DNAH9: variants seen among roughly 807,000 people sequenced by gnomAD.
The protein encoded by DNAH9 is DNAH9 variant protein.
DNAH9 carries 345 observed loss-of-function variants against 471.6 expected under a neutral mutation model. The observed-to-expected ratio is 0.73, with a 90% CI of 0.67 to 0.80. DNAH9 has a LOEUF of 0.80. Among genes scored for constraint, DNAH9 ranks in the 30% least tolerant of loss-of-function variants. The probability of loss-of-function intolerance (pLI) is 0.00; values close to 1 mark genes in which losing one functional copy is unlikely to be tolerated. For synonymous variants in DNAH9, 2,093 were observed against 2,123.6 expected, an observed-to-expected ratio of 0.99 and a Z score of 0.40; for missense variants, 5,407 against 5,609.2, an observed-to-expected ratio of 0.96 and a Z score of 1.15.
intron 60 of DNAH9, 76 bp downstream of exon 60, chr17:11,902,988 C>G (rs1973464597): frequency 1.3e-6 from 2 of 1,490,334 alleles, no homozygotes; most frequent in Non-Finnish European, 1.8e-6. Flanking sequence ...ACCAGCAGGG[C>G]TGAGCTCCAA....
chr17:11,965,615 C>T (rs1976637472), intron 68 of DNAH9, among the ~76,000 whole-genome samples: 1 of 152,138 alleles, frequency 6.6e-6, no homozygotes, highest in African/African-American at 2.4e-5. Context: ...TCAACGCAAA[C>T]TATTCCTGAG....
intron 26 of DNAH9, among the ~76,000 whole-genome samples, chr17:11,717,087 A>G (rs2074977452): frequency 6.6e-6 from 1 of 152,244 alleles, no homozygotes; most frequent in African/African-American, 2.4e-5. Context: ...CAAGAAGGAC[A>G]AGACGAGACC....
intron 4 of DNAH9, 88 bp downstream of exon 4, chr17:11,611,868 A>G: frequency 7.4e-7 from 1 of 1,345,242 alleles, no homozygotes; most frequent in Non-Finnish European, 1.1e-6. Flanking sequence ...GAATTCCGCA[A>G]CTTCAAGTCC....
chr17:11,610,169 A>G lies in DNAH9; in HGVS notation c.615-227A>G, dbSNP rs549862892. ...CCCTGAATCTGTATGAAAAATGTAC[A>G]TACACACACATAAGCATTTTTTTTT... On this transcript the variant is annotated intron_variant, in intron 2 of 68. Transcript: ENST00000262442. 7.9e-5 allele frequency among the ~76,000 whole-genome samples: 12 copies of G among 152,328 alleles called. No individual in the cohort carries two copies. The South Asian group carries it at 2.3e-3, about 29-fold the overall frequency.
Position 11,610,461 on chromosome 17 carries a change from A to T in DNAH9, c.680A>T (p.Gln227Leu), listed in dbSNP as rs779273973. The change falls in exon 3 of 69, where the codon CAA (glutamine) becomes CTA (leucine). Residue 227 changes from glutamine (Q) to leucine (L), a missense_variant. Gln to Leu is a moderately radical substitution (Grantham distance 113). Transcript: ENST00000262442. ...IESAVIKWSY[Q>L]VQVVLKRESS... Reference sequence around the variant, plus strand: ...TCTGCAGTGATCAAATGGAGCTACCAAGTCCAGGTGGTACTCAAGAGAGAG... The same window carrying T: ...TCTGCAGTGATCAAATGGAGCTACCTAGTCCAGGTGGTACTCAAGAGAGAG... 24 of 1,613,706 alleles carry T rather than the reference A, an allele frequency of 1.5e-5. No homozygotes were observed. Among genetic ancestry groups the T allele is most frequent in the Non-Finnish European group, 2.0e-5 (24 of 1,179,860 alleles).
At chr17:11,927,976 C>G (rs1233247265) in intron 62 of DNAH9, among the ~76,000 whole-genome samples, 1 of 152,098 alleles carries the variant, frequency 6.6e-6, no homozygotes, top group African/African-American at 2.4e-5. Flanking sequence ...CTCAAGTAGC[C>G]CACTAAACAC....
intron 12 of DNAH9, 23 bp downstream of exon 12, chr17:11,647,221 T>C (rs764973225): frequency 6.2e-7 from 1 of 1,609,306 alleles, no homozygotes; most frequent in East Asian, 2.2e-5. Flanking sequence ...ACAGTAGCTC[T>C]CTTTTGGGTT....
At chr17:11,836,351 T>C (rs1003107110) in intron 49 of DNAH9, among the ~76,000 whole-genome samples, 4 of 152,140 alleles carry the variant, frequency 2.6e-5, no homozygotes, top group Admixed American at 1.3e-4. Context: ...ATAATAAAAT[T>C]ATATTTAATG....
chr17:11,762,506 C>A (rs1487923829), intron 35 of DNAH9, among the ~76,000 whole-genome samples: 1 of 152,108 alleles, frequency 6.6e-6, no homozygotes. Flanking sequence ...CAATTAAGGC[C>A]TCTAAAGCCA....
intron 29 of DNAH9, among the ~76,000 whole-genome samples, chr17:11,740,914 G>A (rs1020592943): frequency 4.6e-5 from 7 of 152,116 alleles, no homozygotes; most frequent in East Asian, 3.9e-4. Flanking sequence ...CAACAGTAGC[G>A]CATTTCTTTT....
At chr17:11,950,608 A>T (rs2151440051) in intron 67 of DNAH9, among the ~76,000 whole-genome samples, 1 of 152,236 alleles carries the variant, frequency 6.6e-6, no homozygotes, top group East Asian at 1.9e-4. Context: ...GTGTGAAACG[A>T]TCCTCCCGCC....
chr17:11,934,229 A>G (rs1018727912), intron 65 of DNAH9, among the ~76,000 whole-genome samples, 158 bp downstream of exon 65: 3 of 152,094 alleles, frequency 2.0e-5, no homozygotes, highest in Non-Finnish European at 2.9e-5. Context: ...AGCTGAGCTC[A>G]TGTCAAATCT....
intron 44 of DNAH9, 54 bp downstream of exon 44, chr17:11,807,948 C>G: frequency 6.5e-7 from 1 of 1,542,152 alleles, no homozygotes; most frequent in Non-Finnish European, 8.8e-7. Context: ...CAACCAGCCA[C>G]AGTTCCATCA....
chr17:11,692,400 A>G (rs1321429698), intron 20 of DNAH9, among the ~76,000 whole-genome samples: 3 of 152,220 alleles, frequency 2.0e-5, no homozygotes, highest in African/African-American at 7.2e-5. Context: ...AGCTAATTGC[A>G]TATATTAGTC....
At chr17:11,823,333 G>A (rs893063547) in intron 48 of DNAH9, among the ~76,000 whole-genome samples, 16 of 151,944 alleles carry the variant, frequency 1.1e-4, no homozygotes, top group Admixed American at 3.9e-4. Context: ...CATATGCCCC[G>A]CTCAGGTCTG....
rs779085037 is a variant in DNAH9, at chr17:11,880,134, A to G, written c.10535A>G (p.Asn3512Ser). Residue 3512 changes from asparagine to serine, a missense_variant, in exon 54 of 69, where the codon AAT becomes AGT. By Grantham distance (46) the Asn-to-Ser change is conservative. Transcript: ENST00000262442. ...GCTGGAGCTGTGGTGCTGATTGAAA[A>G]TCTAGAGGAGTCCATTGATCCTGTT... ...LEAGAVVLIE[N>S]LEESIDPVLG... 1 of 1,614,002 alleles carries G rather than the reference A, an allele frequency of 6.2e-7. No homozygotes were observed. The highest frequency in any genetic ancestry group is 1.7e-5 in the Admixed American group (1 of 60,006).
intron 67 of DNAH9, among the ~76,000 whole-genome samples, chr17:11,957,611 G>A (rs1975716752): frequency 8.8e-6 from 1 of 113,288 alleles, no homozygotes; most frequent in Non-Finnish European, 2.1e-5. Context: ...ACCAGTGGAT[G>A]CAGACAAAAC....
At chr17:11,765,557 C>G (rs1198826881) in intron 36 of DNAH9, among the ~76,000 whole-genome samples, 2 of 152,226 alleles carry the variant, frequency 1.3e-5, no homozygotes, top group Non-Finnish European at 2.9e-5. Flanking sequence ...CTCTCGCAGG[C>G]TCTCAGGAAG....
intron 67 of DNAH9, among the ~76,000 whole-genome samples, chr17:11,953,635 C>A (rs1975493380): frequency 6.6e-6 from 1 of 151,682 alleles, no homozygotes; most frequent in South Asian, 2.1e-4. Flanking sequence ...CGTGGTGAAA[C>A]CCCGTCTCTA....
Sources: allele counts gnomAD v4.1 joint callset (sites outside exome capture counted in the v4.1 genomes callset), GRCh38; gene constraint gnomAD v4.1.1; transcripts MANE v1.5; gene names NCBI Gene and HGNC (gene_info 2026-07-23, HGNC 2026-07-21).